Variants in CLASP2 observed in about 807,000 individuals in gnomAD.
CLASP2 encodes cytoplasmic linker associated protein 2, also known as CLIP-associating protein 2.
Under a neutral mutation model 194.4 loss-of-function variants are expected in CLASP2, and 47 were observed. The observed-to-expected ratio is 0.24, with a 90% CI of 0.19 to 0.31. The LOEUF is 0.31. CLASP2 is among the 10% of genes least tolerant of loss of function. The pLI is 1.00. For synonymous variants in CLASP2, 619 were observed against 633.5 expected, an observed-to-expected ratio of 0.98 and a Z score of 0.34; for missense variants, 1,445 against 1,823.6, an observed-to-expected ratio of 0.79 and a Z score of 3.78.
chr3:33,614,069 T>A (rs758876673), intron 12 of CLASP2, among the ~76,000 whole-genome samples: 1 of 152,014 alleles, frequency 6.6e-6, no homozygotes, highest in Non-Finnish European at 1.5e-5. Flanking sequence ...AAAAGAGAAT[T>A]AGAAATTAAG....
intron 1 of CLASP2, among the ~76,000 whole-genome samples, chr3:33,708,508 ATATATATG>A (rs1346033469): frequency 7.1e-4 from 81 of 113,746 alleles, no homozygotes; most frequent in South Asian, 2.3e-3. Context: ...ATATATATGT[ATATATATG>A]TATATATGTA....
chr3:33,650,684 T>C (rs1353314634), intron 7 of CLASP2, among the ~76,000 whole-genome samples: 4 of 147,048 alleles, frequency 2.7e-5, no homozygotes, highest in Non-Finnish European at 6.0e-5. Context: ...TGGAGAACAA[T>C]GGAAGAGATG....
At chr3:33,651,657 C>CTTT (rs1213189049) in intron 7 of CLASP2, among the ~76,000 whole-genome samples, 25 of 119,594 alleles carry the variant, frequency 2.1e-4, no homozygotes, top group African/African-American at 5.1e-4. Flanking sequence ...TTCCACCTCA[C>CTTT]TTTTTTTTTT....
rs944770084 is a variant in CLASP2 at position 33,612,049 on chromosome 3, A to G, written c.1340T>C (p.Ile447Thr). 3.1e-6 allele frequency: 5 copies of G among 1,609,982 alleles called. No individual in the cohort carries two copies. Among genetic ancestry groups the G allele is most frequent in the Admixed American group, 1.7e-5 (1 of 59,748 alleles). ...IIRHTHVPRL[I>T]PLITSNCTSK... ...TGTGCAATTGCTTGTTATTAAAGGT[A>G]TAAGTCTGGGTACATGAGTATGCTG... Residue 447 changes from isoleucine (I) to threonine (T), a missense_variant, in exon 13 of 39, where the codon ATA becomes ACA. Coordinates refer to ENST00000682230, the MANE Select transcript of CLASP2 (RefSeq NM_001365631.1).
chr3:33,689,609 TATTA>T (rs1403726375), intron 3 of CLASP2: 3 of 396,158 alleles, frequency 7.6e-6, no homozygotes, highest in Non-Finnish European at 1.3e-5. Context: ...CACTGAAATC[TATTA>T]GTTAGCTTTT....
chr3:33,619,471 G>T, intron 12 of CLASP2, 132 bp downstream of exon 12: 4 of 747,364 alleles, frequency 5.4e-6, no homozygotes, highest in South Asian at 2.3e-5. Flanking sequence ...TTGCTTTTGG[G>T]GTTCAAAAAG....
In CLASP2 at chr3:33,592,501, G is replaced by C. The variant is rs1388502781; in HGVS notation, c.1967-5C>G. Reference sequence around the variant, plus strand: ...AAAGTTTTGCTCTCACCCGGCCTGAGAAATAAAATATTTACATAATTAAAA... The same window carrying C: ...AAAGTTTTGCTCTCACCCGGCCTGACAAATAAAATATTTACATAATTAAAA... On this transcript the variant is annotated splice_region_variant and splice_polypyrimidine_tract_variant and intron_variant, in intron 20 of 38. Coordinates refer to ENST00000682230, the MANE Select transcript of CLASP2 (RefSeq NM_001365631.1). 1 of 1,600,378 alleles carries C rather than the reference G, an allele frequency of 6.2e-7. No homozygotes were observed. The highest frequency in any genetic ancestry group is 8.5e-7 in the Non-Finnish European group (1 of 1,170,370).
intron 1 of CLASP2, among the ~76,000 whole-genome samples, chr3:33,700,616 C>G (rs2092308362): frequency 6.6e-6 from 1 of 152,000 alleles, no homozygotes; most frequent in African/African-American, 2.4e-5. Flanking sequence ...GAGGGTGAGG[C>G]AGGCAGATCA....
At chr3:33,514,857 A>ACG (rs1225455737) in intron 36 of CLASP2, among the ~76,000 whole-genome samples, 2 of 152,062 alleles carry the variant, frequency 1.3e-5, no homozygotes, top group Admixed American at 1.3e-4. Flanking sequence ...ATGTGTATAT[A>ACG]CGCACACACA....
intron 7 of CLASP2, among the ~76,000 whole-genome samples, chr3:33,661,279 C>T (rs913732664): frequency 6.6e-6 from 1 of 152,060 alleles, no homozygotes; most frequent in African/African-American, 2.4e-5. Flanking sequence ...ATTATAGGCT[C>T]CTTAAGGGGA....
chr3:33,593,984 T>C lies in CLASP2; in HGVS notation c.1966+967A>G, dbSNP rs147817936. ...TCAGCCTCCAGAATAGGTGGGACTA[T>C]AGGACGGTGCCACCACACCCAGCTA... On this transcript the variant is annotated intron_variant, in intron 20 of 38. Transcript: ENST00000682230. 1.7e-4 allele frequency among the ~76,000 whole-genome samples: 26 copies of C among 152,172 alleles called. No individual in the cohort carries two copies. The East Asian group carries it at 1.7e-3, about 10-fold the overall frequency.
chr3:33,508,940 C>T (rs1055706979), intron 37 of CLASP2, among the ~76,000 whole-genome samples: 3 of 152,154 alleles, frequency 2.0e-5, no homozygotes, highest in African/African-American at 7.2e-5. Flanking sequence ...TTCTCAGGCT[C>T]ATTTTATACA....
intron 29 of CLASP2, among the ~76,000 whole-genome samples, chr3:33,557,541 C>G (rs2061176610): frequency 6.6e-6 from 1 of 151,996 alleles, no homozygotes; most frequent in South Asian, 2.1e-4. Flanking sequence ...CTAGTTAACT[C>G]CACATACATT....
intron 2 of CLASP2, among the ~76,000 whole-genome samples, chr3:33,693,824 G>A (rs921710773): frequency 5.3e-5 from 8 of 151,460 alleles, no homozygotes; most frequent in Non-Finnish European, 1.0e-4. Context: ...TAAATGCACA[G>A]GGATAACAGA....
At chr3:33,645,255 T>TC in intron 7 of CLASP2, 1 of 765,316 alleles carries the variant, frequency 1.3e-6, no homozygotes, top group Non-Finnish European at 2.4e-6. Context: ...CCTGCCTTAT[T>TC]CCTTATACCC....
chr3:33,578,920 A>G (rs576557559), intron 23 of CLASP2, among the ~76,000 whole-genome samples: 4 of 152,334 alleles, frequency 2.6e-5, no homozygotes, highest in African/African-American at 9.6e-5. Context: ...CCCTCAGGCT[A>G]AACTTGTGAT....
At chr3:33,530,487 T>C (rs1207836503) in intron 34 of CLASP2, among the ~76,000 whole-genome samples, 3 of 152,050 alleles carry the variant, frequency 2.0e-5, no homozygotes, top group Admixed American at 6.5e-5. Flanking sequence ...AATAAACAAA[T>C]AAATAAACAA....
chr3:33,646,865 T>C (rs1451863800), intron 7 of CLASP2, among the ~76,000 whole-genome samples: 2 of 152,310 alleles, frequency 1.3e-5, no homozygotes, highest in South Asian at 2.1e-4. Flanking sequence ...AAAGTCTACA[T>C]TTACTACCAA....
intron 8 of CLASP2, among the ~76,000 whole-genome samples, chr3:33,637,240 A>G (rs1002147431): frequency 2.6e-5 from 4 of 152,160 alleles, no homozygotes; most frequent in Non-Finnish European, 5.9e-5. Context: ...TACAGATAAC[A>G]TTATAGAATT....
Sources: allele counts gnomAD v4.1 joint callset (sites outside exome capture counted in the v4.1 genomes callset), GRCh38; gene constraint gnomAD v4.1.1; transcripts MANE v1.5; gene names NCBI Gene and HGNC (gene_info 2026-07-23, HGNC 2026-07-21).